RAPGEF6: variants seen among roughly 807,000 people sequenced by gnomAD.
RAPGEF6 encodes the protein Rap guanine nucleotide exchange factor 6, also known as PDZ domain containing guanine nucleotide exchange factor (GEF) 2.
RAPGEF6 carries 56 observed loss-of-function variants against 171.4 expected under a neutral mutation model. The ratio of observed to expected loss-of-function variants is 0.33; its 90% confidence interval spans 0.26 to 0.41. The LOEUF is 0.41. Among genes scored for constraint, RAPGEF6 ranks in the 10% least tolerant of loss-of-function variants. RAPGEF6 has a pLI of 1.00. For missense variants in RAPGEF6, 1,674 were observed against 1,921.4 expected, an observed-to-expected ratio of 0.87 and a Z score of 2.41; for synonymous variants, 692 against 650.1, an observed-to-expected ratio of 1.06 and a Z score of -0.98.
chr5:131,505,213 A>T, intron 10 of RAPGEF6, 151 bp downstream of exon 10: 1 of 709,024 alleles, frequency 1.4e-6, no homozygotes, highest in Non-Finnish European at 2.3e-6. Context: ...CAAATATTTG[A>T]GGCAGATACA....
intron 4 of RAPGEF6, 36 bp from the exon 5 acceptor site, chr5:131,562,083 T>TA (rs1761637334): frequency 7.2e-7 from 1 of 1,393,074 alleles, no homozygotes; most frequent in African/African-American, 1.5e-5. Flanking sequence ...TTAGCAAAGG[T>TA]TATTAATAAA....
intron 17 of RAPGEF6, among the ~76,000 whole-genome samples, chr5:131,465,414 CTT>C (rs1754265589): frequency 6.6e-6 from 1 of 151,982 alleles, no homozygotes; most frequent in Non-Finnish European, 1.5e-5. Context: ...TGAAAAGTGA[CTT>C]TATAGCATGA....
chr5:131,580,316 G>T (rs551082490), intron 4 of RAPGEF6, among the ~76,000 whole-genome samples: 1 of 152,128 alleles, frequency 6.6e-6, no homozygotes, highest in Non-Finnish European at 1.5e-5. Flanking sequence ...AGCACCAGCC[G>T]GTCACTCCGA....
intron 6 of RAPGEF6, among the ~76,000 whole-genome samples, chr5:131,538,614 G>GT (rs1759931326): frequency 6.6e-6 from 1 of 152,084 alleles, no homozygotes; most frequent in Non-Finnish European, 1.5e-5. Flanking sequence ...TCGAATTTTA[G>GT]TATCTGCAGG....
At chr5:131,509,823 C>T (rs1314274193) in intron 8 of RAPGEF6, among the ~76,000 whole-genome samples, 1 of 152,196 alleles carries the variant, frequency 6.6e-6, no homozygotes, top group East Asian at 1.9e-4. Context: ...CCATTCTATA[C>T]TGTATCAGAG....
intron 8 of RAPGEF6, among the ~76,000 whole-genome samples, chr5:131,508,923 T>C (rs1580938737): frequency 1.3e-5 from 2 of 152,236 alleles, no homozygotes; most frequent in East Asian, 3.8e-4. Context: ...TCAGTTTCTG[T>C]CGAGATAACG....
At chr5:131,594,671 C>T (rs890327845) in intron 3 of RAPGEF6, among the ~76,000 whole-genome samples, 17 of 152,220 alleles carry the variant, frequency 1.1e-4, no homozygotes, top group African/African-American at 4.1e-4. Context: ...AGGGGCTGTA[C>T]CCTGCAGAGC....
intron 24 of RAPGEF6, among the ~76,000 whole-genome samples, chr5:131,438,115 A>AGGCAT (rs796627128): frequency 0.22 from 33,322 of 152,002 alleles, 3,995 homozygotes; most frequent in East Asian, 0.49. Context: ...CGGCCTCCTG[A>AGGCAT]GTAGCTGGGA....
rs186911947 is a variant in RAPGEF6, at chr5:131,617,505, T to C, written c.70-12812A>G. Reference sequence around the variant, plus strand: ...TTCACTCTTGTTGCCCAGGCTGGAGTGTAGTGTTACGATCTCAGCCCACTG... The same window carrying C: ...TTCACTCTTGTTGCCCAGGCTGGAGCGTAGTGTTACGATCTCAGCCCACTG... On this transcript the variant is annotated intron_variant, in intron 1 of 27. Coordinates refer to ENST00000509018, the MANE Select transcript of RAPGEF6 (RefSeq NM_016340.6). 1.4e-3 allele frequency among the ~76,000 whole-genome samples: 209 copies of C among 152,156 alleles called. 5 individuals are homozygous for C. The highest frequency in any genetic ancestry group is 1.1e-3 in the Non-Finnish European group (74 of 68,008).
At chr5:131,474,459 T>A (rs1048353714) in intron 16 of RAPGEF6, among the ~76,000 whole-genome samples, 4 of 151,826 alleles carry the variant, frequency 2.6e-5, no homozygotes, top group Admixed American at 6.6e-5. Context: ...AATAAATAAA[T>A]AAAAATAAAA....
At chr5:131,520,867 T>C (rs1463557893) in intron 7 of RAPGEF6, among the ~76,000 whole-genome samples, 3 of 152,188 alleles carry the variant, frequency 2.0e-5, no homozygotes, top group Non-Finnish European at 4.4e-5. Flanking sequence ...ATTACAATGA[T>C]CACTGAAAAG....
intron 5 of RAPGEF6, among the ~76,000 whole-genome samples, chr5:131,551,511 C>CAAA (rs11305566): frequency 1.8e-5 from 2 of 108,910 alleles, no homozygotes; most frequent in African/African-American, 3.4e-5. Flanking sequence ...GACTCCATCT[C>CAAA]AAAAAAAAAA....
chr5:131,438,031 C>A (rs1318168135), intron 24 of RAPGEF6, among the ~76,000 whole-genome samples: 2 of 152,032 alleles, frequency 1.3e-5, no homozygotes, highest in Non-Finnish European at 2.9e-5. Flanking sequence ...AGCCACCAAA[C>A]TAGTTGGGGT....
At chr5:131,598,053 T>A (rs1312370237) in intron 3 of RAPGEF6, among the ~76,000 whole-genome samples, 1 of 151,568 alleles carries the variant, frequency 6.6e-6, no homozygotes, top group African/African-American at 2.4e-5. Context: ...CCAAATAACC[T>A]AAAACCAACA....
chr5:131,529,348 T>G (rs1404310729), intron 6 of RAPGEF6, among the ~76,000 whole-genome samples: 1 of 151,808 alleles, frequency 6.6e-6, no homozygotes, highest in Non-Finnish European at 1.5e-5. Context: ...TGGTGGCAGA[T>G]GCCTGTAGTC....
At chr5:131,629,632 T>C (rs534646402) in intron 1 of RAPGEF6, among the ~76,000 whole-genome samples, 1 of 150,910 alleles carries the variant, frequency 6.6e-6, no homozygotes, top group East Asian at 2.0e-4. Context: ...GGCATGCACC[T>C]GTAGTACCAG....
intron 4 of RAPGEF6, among the ~76,000 whole-genome samples, chr5:131,582,917 T>G (rs1459541777): frequency 1.3e-5 from 2 of 152,214 alleles, no homozygotes; most frequent in African/African-American, 4.8e-5. Flanking sequence ...CCATATAACT[T>G]ATTGCTAGGT....
At chr5:131,602,431 G>C (rs1431531808) in intron 3 of RAPGEF6, among the ~76,000 whole-genome samples, 2 of 152,200 alleles carry the variant, frequency 1.3e-5, no homozygotes, top group African/African-American at 2.4e-5. Flanking sequence ...AAAAATAACA[G>C]AATGTTAATA....
chr5:131,592,288 T>C, intron 4 of RAPGEF6, 95 bp downstream of exon 4: 1 of 1,501,136 alleles, frequency 6.7e-7, no homozygotes, highest in Non-Finnish European at 8.9e-7. Flanking sequence ...AGCAAAGACA[T>C]TTAAAAGATG....
Sources: allele counts gnomAD v4.1 joint callset (sites outside exome capture counted in the v4.1 genomes callset), GRCh38; gene constraint gnomAD v4.1.1; transcripts MANE v1.5; gene names NCBI Gene and HGNC (gene_info 2026-07-23, HGNC 2026-07-21).